Variants in PREX1 observed in about 807,000 individuals in gnomAD.
The protein encoded by PREX1 is phosphatidylinositol 3,4,5-trisphosphate-dependent Rac exchanger 1 protein.
Under a neutral mutation model 198.3 loss-of-function variants are expected in PREX1, and 41 were observed. The ratio of observed to expected loss-of-function variants is 0.21; its 90% CI spans 0.16 to 0.27. The LOEUF (loss-of-function observed/expected upper bound fraction) is 0.27, where lower values mean the gene tolerates loss of function less well. Ranked by LOEUF, PREX1 falls within the 10% of genes least tolerant of loss-of-function variation. PREX1 has a pLI of 1.00. For missense variants in PREX1, 1,620 were observed against 2,200.7 expected (o/e 0.74, Z 5.28); for synonymous variants, 843 against 887.2 (o/e 0.95, Z 0.89).
intron 6 of PREX1, among the ~76,000 whole-genome samples, chr20:48,704,478 C>T (rs1160279022): frequency 6.6e-6 from 1 of 152,124 alleles, no homozygotes; most frequent in Non-Finnish European, 1.5e-5. Context: ...TAAACCAGGG[C>T]TGCCAGAGCC....
At chr20:48,709,069 T>C (rs1037254073) in intron 5 of PREX1, among the ~76,000 whole-genome samples, 5 of 152,120 alleles carry the variant, frequency 3.3e-5, no homozygotes, top group Non-Finnish European at 5.9e-5. Context: ...AGACGCAGGC[T>C]GGGACATTGC....
intron 1 of PREX1, among the ~76,000 whole-genome samples, chr20:48,756,466 T>C (rs1479254400): frequency 1.5e-5 from 2 of 133,706 alleles, no homozygotes; most frequent in African/African-American, 5.1e-5. Flanking sequence ...TGGGAAGAGA[T>C]AGCTTTTTTT....
chr20:48,664,954 CT>C (rs1757294279), intron 15 of PREX1, among the ~76,000 whole-genome samples: 1 of 150,134 alleles, frequency 6.7e-6, no homozygotes, highest in Non-Finnish European at 1.5e-5. Flanking sequence ...AATTCTAATC[CT>C]GACTCCAGAC....
At chr20:48,717,327 C>T (rs948238676) in intron 5 of PREX1, among the ~76,000 whole-genome samples, 2 of 152,096 alleles carry the variant, frequency 1.3e-5, no homozygotes, top group African/African-American at 4.8e-5. Flanking sequence ...GGGGCTGATC[C>T]TGCACTCAGT....
intron 15 of PREX1, among the ~76,000 whole-genome samples, chr20:48,664,139 C>G (rs1218430943): frequency 2.0e-5 from 3 of 152,202 alleles, no homozygotes; most frequent in Non-Finnish European, 2.9e-5. Context: ...CTTTGGGAAG[C>G]CAAGGCGGGC....
intron 7 of PREX1, among the ~76,000 whole-genome samples, chr20:48,697,509 T>C (rs1366086193): frequency 1.3e-5 from 2 of 151,720 alleles, no homozygotes; most frequent in Admixed American, 6.6e-5. Context: ...GCCTCCCGAG[T>C]AGCTGGGATT....
rs201305656 is a variant in PREX1 at position 48,673,008 on chromosome 20, C to CG, written c.1665+3184dup. Among the ~76,000 whole-genome samples the CG allele has an allele frequency of 9.4e-3, 1,415 of 150,602 alleles. 14 individuals carry two copies. The highest frequency in any genetic ancestry group is 0.033 in the African/African-American group (1,334 of 40,220). ...AGAACCAAAAACAGCCCCTGATACACGGCAGGTGCTCAAAAATAATTAAAA... is the reference window on the plus strand; with the variant it reads ...AGAACCAAAAACAGCCCCTGATACACGGGCAGGTGCTCAAAAATAATTAAAA... On this transcript the variant is annotated intron_variant, in intron 14 of 39. Transcript: ENST00000371941.
rs894496139 is a variant in PREX1 at position 48,769,745 on chromosome 20, C to T, written c.220-21865G>A. Among the ~76,000 whole-genome samples the T allele has an allele frequency of 2.0e-5, 3 of 152,204 alleles. No individual in the cohort carries two copies. In the South Asian group the frequency reaches 6.2e-4, roughly 32 times the overall value. On this transcript the variant is annotated intron_variant, in intron 1 of 39. Coordinates refer to ENST00000371941, the MANE Select transcript of PREX1 (RefSeq NM_020820.4). ...CCTTCAGGTCTCTGCTCAAACGTCACCTCCTCAGTGAAGCCTGCCCTGCCC... is the reference window on the plus strand; with the variant it reads ...CCTTCAGGTCTCTGCTCAAACGTCATCTCCTCAGTGAAGCCTGCCCTGCCC...
chr20:48,841,689 A>G, the PREX1 span, among the ~76,000 whole-genome samples: 7 of 152,322 alleles, frequency 4.6e-5, no homozygotes, highest in East Asian at 5.8e-4. Flanking sequence ...GCAGAGACCA[A>G]TCAGAACCGC....
intron 1 of PREX1, among the ~76,000 whole-genome samples, chr20:48,818,715 A>G (rs936973446): frequency 2.0e-5 from 3 of 152,242 alleles, no homozygotes; most frequent in Non-Finnish European, 4.4e-5. Flanking sequence ...CTATGCATGG[A>G]GGGTGGAGTA....
chr20:48,640,278 A>T (rs1240786248), intron 29 of PREX1, among the ~76,000 whole-genome samples: 1 of 151,950 alleles, frequency 6.6e-6, no homozygotes, highest in African/African-American at 2.4e-5. Flanking sequence ...ATGGCACATG[A>T]GTTCTATCCC....
At chr20:48,881,198 A>C in the PREX1 span, among the ~76,000 whole-genome samples, 131 of 152,164 alleles carry the variant, frequency 8.6e-4, no homozygotes, top group Non-Finnish European at 9.0e-4. Context: ...ATGGGCCATG[A>C]GTTGATAATT....
intron 35 of PREX1, 134 bp from the exon 36 acceptor site, chr20:48,630,928 C>A: frequency 1.4e-6 from 1 of 695,310 alleles, no homozygotes; most frequent in South Asian, 1.7e-5. Flanking sequence ...CTGAGAGCGC[C>A]TGCAGGCTGT....
chr20:48,650,576 G>A (rs1033199163), intron 23 of PREX1, among the ~76,000 whole-genome samples: 2 of 152,236 alleles, frequency 1.3e-5, no homozygotes, highest in African/African-American at 4.8e-5. Context: ...AAGCCAACCA[G>A]AACTCCCTTG....
chr20:48,823,884 C>G (rs1335765072), intron 1 of PREX1, among the ~76,000 whole-genome samples: 1 of 152,220 alleles, frequency 6.6e-6, no homozygotes, highest in East Asian at 1.9e-4. Flanking sequence ...TGACCCAGAG[C>G]AGCTCACTTA....
At chr20:48,763,054 G>T (rs2090190287) in intron 1 of PREX1, among the ~76,000 whole-genome samples, 1 of 152,198 alleles carries the variant, frequency 6.6e-6, no homozygotes, top group Non-Finnish European at 1.5e-5. Context: ...TTAGATGGTG[G>T]TACAACTCTA....
At chr20:48,794,495 G>A (rs1189919324) in intron 1 of PREX1, among the ~76,000 whole-genome samples, 1 of 152,220 alleles carries the variant, frequency 6.6e-6, no homozygotes, top group Non-Finnish European at 1.5e-5. Context: ...CTTTGCTTGG[G>A]GTCCTTCCCA....
At chr20:48,732,155 G>A (rs1041892558) in intron 4 of PREX1, among the ~76,000 whole-genome samples, 3 of 152,250 alleles carry the variant, frequency 2.0e-5, no homozygotes, top group African/African-American at 7.2e-5. Flanking sequence ...ACATGGAAAT[G>A]TGAAGATGTA....
chr20:48,661,926 C>T (rs1372844746), intron 15 of PREX1, among the ~76,000 whole-genome samples: 1 of 152,122 alleles, frequency 6.6e-6, no homozygotes, highest in Admixed American at 6.6e-5. Context: ...AATCAAGGCT[C>T]GGAGAGGTAA....
Sources: gnomAD v4.1 joint callset for allele counts (sites outside exome capture counted in the v4.1 genomes callset) on GRCh38, gnomAD v4.1.1 for gene constraint, MANE v1.5 for transcripts, NCBI Gene and HGNC (gene_info 2026-07-23, HGNC 2026-07-21) for gene names.